Variants in TBCK observed in about 807,000 individuals in gnomAD.
TBCK encodes the protein TBC1 domain containing kinase, also known as TBC domain-containing protein kinase-like protein.
A neutral mutation model predicts 113.4 loss-of-function variants in TBCK; 99 were observed. The observed-to-expected ratio is 0.87, with a 90% CI of 0.74 to 1.03. The LOEUF is 1.03. Ranked by LOEUF, TBCK falls within the 50% of genes least tolerant of loss-of-function variation. The pLI is 0.00. For missense variants in TBCK, 1,045 were observed against 1,061.3 expected (o/e 0.98, Z 0.21); for synonymous variants, 369 against 370.8 (o/e 1.00, Z 0.05).
chr4:106,243,350 A>G (rs2150036172), intron 11 of TBCK, among the ~76,000 whole-genome samples: 1 of 152,324 alleles, frequency 6.6e-6, no homozygotes, highest in South Asian at 2.1e-4. Flanking sequence ...AGATGAAAGA[A>G]AAAGCATATT....
rs780220511 is a variant in TBCK at position 106,116,304 on chromosome 4, G to A, written c.2310C>T (p.Asp770=). ...SPRISAEDLI[D]LCELTVTGHF... ...GGCCTGTCACTGTGAGCTCACACAA[G>A]TCAATCAGGTCCTCTGCTGAAATCC... is the stretch of plus-strand genomic sequence containing the variant. Residue 770 remains aspartate, a synonymous_variant, in exon 24 of 26, where the codon GAC becomes GAT. Coordinates refer to ENST00000394708, the MANE Select transcript of TBCK (RefSeq NM_001163435.3). 6 of 1,613,666 alleles carry A rather than the reference G, an allele frequency of 3.7e-6. No homozygotes were observed. In the South Asian group the frequency reaches 6.6e-5, roughly 18 times the overall value.
chr4:106,152,742 G>A (rs1227974387), intron 23 of TBCK, among the ~76,000 whole-genome samples: 1 of 151,950 alleles, frequency 6.6e-6, no homozygotes, highest in Non-Finnish European at 1.5e-5. Flanking sequence ...TTTTTATTAT[G>A]GCTTCACTCT....
chr4:106,257,629 T>C (rs974513469), intron 5 of TBCK, among the ~76,000 whole-genome samples: 2 of 152,086 alleles, frequency 1.3e-5, no homozygotes, highest in Non-Finnish European at 2.9e-5. Context: ...CAAATTCGTA[T>C]TGTGTTATTT....
intron 23 of TBCK, among the ~76,000 whole-genome samples, chr4:106,122,690 C>T (rs1401360330): frequency 3.3e-5 from 5 of 152,168 alleles, no homozygotes; most frequent in Non-Finnish European, 7.3e-5. Context: ...ATCAAGTGGG[C>T]TTCATCCCTG....
At chr4:106,304,872 CTAAG>C (rs1481465913) in intron 2 of TBCK, among the ~76,000 whole-genome samples, 2 of 152,190 alleles carry the variant, frequency 1.3e-5, no homozygotes, top group South Asian at 2.1e-4. Flanking sequence ...AACAAACTTA[CTAAG>C]TAATTCTTAT....
Position 106,043,377 on chromosome 4 carries a change from G to A in TBCK, c.*3193C>T, listed in dbSNP as rs1259242098. The A allele has an allele frequency of 1.3e-5, 2 of 152,052 alleles. No homozygotes were observed. The highest frequency in any genetic ancestry group is 2.9e-5 in the Non-Finnish European group (2 of 68,020). 9.4% of individuals were successfully genotyped at this position (152,052 alleles called of 1,614,324 possible). ...TTCTATACTATCAGGTACCAGATAAGTTTGGCAGTTGAAAAAAATTACCAC... is the reference window on the plus strand; with the variant it reads ...TTCTATACTATCAGGTACCAGATAAATTTGGCAGTTGAAAAAAATTACCAC... On this transcript the variant is annotated 3_prime_UTR_variant, in exon 26 of 26. Transcript: ENST00000394708.
chr4:106,050,972 C>T (rs377652129), intron 25 of TBCK, among the ~76,000 whole-genome samples: 3 of 151,892 alleles, frequency 2.0e-5, no homozygotes, highest in East Asian at 1.9e-4. Flanking sequence ...AAGGTTCTTG[C>T]GGGTGCCACT....
At chr4:106,184,508 T>G (rs1396102055) in intron 22 of TBCK, among the ~76,000 whole-genome samples, 1 of 152,026 alleles carries the variant, frequency 6.6e-6, no homozygotes, top group Non-Finnish European at 1.5e-5. Flanking sequence ...CATCTTTAAA[T>G]AATTATGCAT....
chr4:106,072,638 G>C (rs368176520), intron 25 of TBCK, among the ~76,000 whole-genome samples: 9 of 152,236 alleles, frequency 5.9e-5, no homozygotes, highest in East Asian at 5.8e-4. Context: ...TTTGAATGTT[G>C]GCCTGCCTTG....
At chr4:106,140,015 T>C (rs1746999552) in intron 23 of TBCK, among the ~76,000 whole-genome samples, 1 of 140,886 alleles carries the variant, frequency 7.1e-6, no homozygotes, top group African/African-American at 2.5e-5. Context: ...AATAAGTGAA[T>C]TGTAATAGAT....
intron 23 of TBCK, among the ~76,000 whole-genome samples, chr4:106,132,128 A>C (rs759566003): frequency 3.3e-5 from 5 of 152,236 alleles, no homozygotes; most frequent in Admixed American, 6.5e-5. Flanking sequence ...AATTTGCATA[A>C]CTAATGAGGA....
intron 24 of TBCK, among the ~76,000 whole-genome samples, chr4:106,108,650 T>C (rs977978813): frequency 3.9e-5 from 6 of 152,162 alleles, no homozygotes; most frequent in African/African-American, 1.4e-4. Flanking sequence ...ACAGTCAACA[T>C]TATACTGAAG....
chr4:106,308,619 A>G lies in TBCK; in HGVS notation c.193+149T>C, dbSNP rs997014862. On this transcript the variant is annotated intron_variant, in intron 2 of 25. Coordinates refer to ENST00000394708, the MANE Select transcript of TBCK (RefSeq NM_001163435.3). ...AAGTAAATGGGGAAGTGTACGAGAG[A>G]GAGGCAGGGTGGGGGAAAAGGATGA... 4 of 705,490 alleles carry G rather than the reference A, an allele frequency of 5.7e-6. No individual in the cohort carries two copies. In the Admixed American group the frequency reaches 1.2e-4, roughly 22 times the overall value. The allele number at this position is 705,490 out of a possible 1,614,324, so 43.7% of individuals were successfully genotyped here.
chr4:106,164,487 A>T (rs1579095621), intron 23 of TBCK: 1 of 151,934 alleles, frequency 6.6e-6, no homozygotes, highest in Non-Finnish European at 1.5e-5. Flanking sequence ...AAAATTAAAA[A>T]ATGCTTGAAA....
chr4:106,295,669 T>C (rs1384912263), intron 2 of TBCK, among the ~76,000 whole-genome samples: 1 of 152,148 alleles, frequency 6.6e-6, no homozygotes, highest in Non-Finnish European at 1.5e-5. Flanking sequence ...TGTTAACCCT[T>C]GAACAACGCA....
At chr4:106,278,794 T>C (rs1764278471) in intron 3 of TBCK, among the ~76,000 whole-genome samples, 1 of 152,016 alleles carries the variant, frequency 6.6e-6, no homozygotes, top group African/African-American at 2.4e-5. Context: ...TCCTATCTTA[T>C]ATGTGAATGG....
At chr4:106,211,546 C>T (rs1756135452) in intron 20 of TBCK, among the ~76,000 whole-genome samples, 1 of 152,088 alleles carries the variant, frequency 6.6e-6, no homozygotes, top group African/African-American at 2.4e-5. Context: ...CACAACACCA[C>T]TCGAATTCTG....
At chr4:106,309,305 CTTT>C (rs536969885) in intron 1 of TBCK, among the ~76,000 whole-genome samples, 2 of 103,158 alleles carry the variant, frequency 1.9e-5, no homozygotes, top group Non-Finnish European at 3.8e-5. Context: ...AGGCTCTTCT[CTTT>C]TTTTTTTTTT....
intron 2 of TBCK, among the ~76,000 whole-genome samples, chr4:106,307,069 G>A (rs1767603342): frequency 6.6e-6 from 1 of 152,050 alleles, no homozygotes; most frequent in Admixed American, 6.6e-5. Context: ...TACAGCACTA[G>A]GTATGTGGTA....
Sources: allele counts gnomAD v4.1 joint callset (sites outside exome capture counted in the v4.1 genomes callset), GRCh38; gene constraint gnomAD v4.1.1; transcripts MANE v1.5; gene names NCBI Gene and HGNC (gene_info 2026-07-23, HGNC 2026-07-21).